The following VWCE variants were observed in gnomAD, a reference collection of about 807,000 sequenced individuals.
VWCE encodes von Willebrand factor C and EGF domain-containing protein.
VWCE carries 68 observed loss-of-function variants against 102.9 expected under a neutral mutation model. The observed-to-expected ratio is 0.66, with a 90% CI of 0.54 to 0.81. VWCE has a LOEUF of 0.81. Among genes scored for constraint, VWCE ranks in the 30% least tolerant of loss-of-function variants. The probability of loss-of-function intolerance (pLI) is 0.00; values close to 1 mark genes in which losing one functional copy is unlikely to be tolerated. For synonymous variants in VWCE, 497 were observed against 515.4 expected, an observed-to-expected ratio of 0.96 and a Z score of 0.48; for missense variants, 1,137 against 1,263.6, an observed-to-expected ratio of 0.90 and a Z score of 1.52.
rs547085588 is a variant in VWCE, at chr11:61,264,225, CAAAAAAAAAAAA to C, written c.2230+250_2230+261del. ...TGGGTGACAGAGGGAGACTCAGTCT[CAAAAAAAAAAAA>C]AAAAAAAAAAAAAAGCAGAAGAAGA... On this transcript the variant is annotated intron_variant, in intron 19 of 19. Coordinates refer to ENST00000335613, the MANE Select transcript of VWCE (RefSeq NM_152718.2). Among the ~76,000 whole-genome samples the C allele has an allele frequency of 4.0e-4, 8 of 19,986 alleles. No individual in the cohort carries two copies. The East Asian group carries it at 6.6e-3, about 16-fold the overall frequency. The allele number at this position is 19,986 out of a possible 152,430, so 13.1% of individuals were successfully genotyped here.
chr11:61,287,040 T>C (rs1436120845), intron 4 of VWCE, among the ~76,000 whole-genome samples: 1 of 151,694 alleles, frequency 6.6e-6, no homozygotes, highest in Non-Finnish European at 1.5e-5. Flanking sequence ...GAGCTTGCAG[T>C]GAGCCAAGAT....
At chr11:61,274,015 A>G (rs1854824299) in intron 12 of VWCE, among the ~76,000 whole-genome samples, 1 of 152,078 alleles carries the variant, frequency 6.6e-6, no homozygotes, top group African/African-American at 2.4e-5. Context: ...ACAACCCAAG[A>G]TGCAACCCCT....
chr11:61,288,414 C>T (rs529304337), intron 4 of VWCE, among the ~76,000 whole-genome samples: 1 of 152,212 alleles, frequency 6.6e-6, no homozygotes, highest in East Asian at 1.9e-4. Context: ...GGCCCCCAAG[C>T]CCATGGGACA....
intron 4 of VWCE, among the ~76,000 whole-genome samples, chr11:61,287,402 C>T (rs1416207264): frequency 6.6e-6 from 1 of 152,222 alleles, no homozygotes; most frequent in Admixed American, 6.5e-5. Flanking sequence ...CTCAGGGCAA[C>T]CCCAAAGGGC....
chr11:61,288,242 T>C (rs1855396177), intron 4 of VWCE, among the ~76,000 whole-genome samples: 1 of 150,970 alleles, frequency 6.6e-6, no homozygotes, highest in Non-Finnish European at 1.5e-5. Flanking sequence ...CCTAGTGAGA[T>C]GTTCTGATCT....
chr11:61,292,960 G>A (rs1851583022), intron 1 of VWCE, among the ~76,000 whole-genome samples: 1 of 151,720 alleles, frequency 6.6e-6, no homozygotes, highest in African/African-American at 2.4e-5. Flanking sequence ...AAAAAATACA[G>A]GCCGGGCGCG....
intron 4 of VWCE, among the ~76,000 whole-genome samples, chr11:61,288,671 G>C (rs751514802): frequency 9.9e-5 from 15 of 152,174 alleles, no homozygotes; most frequent in Non-Finnish European, 2.1e-4. Flanking sequence ...AATGTCCCAA[G>C]GTGAAAGGCA....
chr11:61,275,615 C>T (rs1452021475), intron 11 of VWCE, among the ~76,000 whole-genome samples: 1 of 152,150 alleles, frequency 6.6e-6, no homozygotes, highest in Non-Finnish European at 1.5e-5. Flanking sequence ...TAGGCAGTGA[C>T]TTGAACTTTC....
At chr11:61,264,358 CGCGAGCCG>C (rs1854446570) in intron 19 of VWCE, 121 bp downstream of exon 19, 3 of 888,378 alleles carry the variant, frequency 3.4e-6, no homozygotes, top group Non-Finnish European at 5.2e-6. Flanking sequence ...TACAACCTTG[CGCGAGCCG>C]TGTTCCCTCT....
At chr11:61,261,611 T>C (rs937164316) in intron 19 of VWCE, among the ~76,000 whole-genome samples, 3 of 151,458 alleles carry the variant, frequency 2.0e-5, no homozygotes, top group African/African-American at 7.3e-5. Context: ...ACCAAGTGTT[T>C]ATCACTTCAT....
chr11:61,270,038 C>G (rs977356687), intron 14 of VWCE, among the ~76,000 whole-genome samples: 1 of 152,000 alleles, frequency 6.6e-6, no homozygotes, highest in Non-Finnish European at 1.5e-5. Context: ...CTGCCTCAGC[C>G]TCCCGAGTAG....
At chr11:61,282,119 G>C (rs1398159009) in intron 6 of VWCE, among the ~76,000 whole-genome samples, 1 of 152,132 alleles carries the variant, frequency 6.6e-6, no homozygotes, top group Non-Finnish European at 1.5e-5. Context: ...TTCACACATC[G>C]AGCAGGTATT....
At chr11:61,276,320 C>A (rs576254093) in intron 11 of VWCE, among the ~76,000 whole-genome samples, 1 of 151,770 alleles carries the variant, frequency 6.6e-6, no homozygotes, top group African/African-American at 2.4e-5. Context: ...GAGGCTCAGG[C>A]AGGAGAATCA....
chr11:61,272,787 T>A (rs1854762791), intron 13 of VWCE, among the ~76,000 whole-genome samples: 1 of 147,944 alleles, frequency 6.8e-6, no homozygotes, highest in African/African-American at 2.5e-5. Flanking sequence ...AAACATACAC[T>A]TACATGCACA....
intron 14 of VWCE, chr11:61,269,371 C>T (rs1289068651): frequency 8.6e-6 from 2 of 233,202 alleles, no homozygotes; most frequent in Admixed American, 9.6e-5. Context: ...TACCATAAAA[C>T]CCTATTTTTA....
intron 5 of VWCE, among the ~76,000 whole-genome samples, chr11:61,285,482 T>C (rs1330186112): frequency 6.6e-6 from 1 of 152,182 alleles, no homozygotes; most frequent in East Asian, 1.9e-4. Context: ...AAGCTTGTTC[T>C]TCTGCTCCCC....
chr11:61,265,300 G>T, intron 16 of VWCE, 88 bp from the exon 17 acceptor site: 1 of 1,197,682 alleles, frequency 8.3e-7, no homozygotes, highest in Non-Finnish European at 1.1e-6. Flanking sequence ...GCCACTGAGT[G>T]TCCATCAGAA....
chr11:61,282,919 G>A lies in VWCE; in HGVS notation c.542-14C>T, dbSNP rs1338953407. Reference sequence around the variant, plus strand: ...ATTCGTCAGTGTCTGGCAGGAAAAGGGACAAGACTGGGGTTCATTTCCCCA... The same window carrying A: ...ATTCGTCAGTGTCTGGCAGGAAAAGAGACAAGACTGGGGTTCATTTCCCCA... On this transcript the variant is annotated splice_polypyrimidine_tract_variant and intron_variant, in intron 5 of 19. Transcript: ENST00000335613. 6.2e-7 allele frequency: 1 copy of A among 1,603,304 alleles called. No individual in the cohort carries two copies. Among genetic ancestry groups the A allele is most frequent in the African/African-American group, 1.3e-5 (1 of 74,682 alleles).
intron 8 of VWCE, 38 bp from the exon 9 acceptor site, chr11:61,280,755 C>T: frequency 8.1e-6 from 13 of 1,613,342 alleles, no homozygotes; most frequent in Non-Finnish European, 1.1e-5. Flanking sequence ...ACCACAAGGC[C>T]CCAGACCAAG....
Sources: gnomAD v4.1 joint callset for allele counts (sites outside exome capture counted in the v4.1 genomes callset) on GRCh38, gnomAD v4.1.1 for gene constraint, MANE v1.5 for transcripts, NCBI Gene and HGNC (gene_info 2026-07-23, HGNC 2026-07-21) for gene names.